The following TCAIM variants were observed in gnomAD, a reference collection of about 807,000 sequenced individuals.
The protein encoded by TCAIM is T-cell activation inhibitor, mitochondrial.
Under a neutral mutation model 58.6 loss-of-function variants are expected in TCAIM, and 36 were observed. The ratio of observed to expected loss-of-function variants is 0.61; its 90% CI spans 0.47 to 0.81. The LOEUF is 0.81. Among genes scored for constraint, TCAIM ranks in the 30% least tolerant of loss-of-function variants. The pLI is 0.00. For synonymous variants in TCAIM, 172 were observed against 193.6 expected (o/e 0.89, Z 0.93); for missense variants, 466 against 579.6 (o/e 0.80, Z 2.01).
At chr3:44,402,769 G>A (rs1347128534) in intron 10 of TCAIM, among the ~76,000 whole-genome samples, 2 of 152,068 alleles carry the variant, frequency 1.3e-5, no homozygotes, top group Non-Finnish European at 2.9e-5. Flanking sequence ...AGGGGACAAG[G>A]GAAGGCAACA....
chr3:44,362,535 T>C (rs1701309461), intron 4 of TCAIM: 1 of 400,058 alleles, frequency 2.5e-6, no homozygotes, highest in East Asian at 3.6e-5. Context: ...TCTCTTACCT[T>C]TTATTTTCTC....
chr3:44,385,198 A>G lies in TCAIM; in HGVS notation c.573-7657A>G, dbSNP rs777439625. On this transcript the variant is annotated intron_variant, in intron 5 of 10. Coordinates refer to ENST00000342649, the MANE Select transcript of TCAIM (RefSeq NM_173826.4). ...GAGTTTTTGATTGCCAACAAAAGAA[A>G]CCAGCCCTAATGTAAGTAGAAAATA... is the stretch of plus-strand genomic sequence containing the variant. 3.2e-4 allele frequency among the ~76,000 whole-genome samples: 49 copies of G among 152,226 alleles called. 1 individual carries two copies. Among genetic ancestry groups the G allele is most frequent in the Admixed American group, 2.6e-3 (40 of 15,280 alleles).
intron 4 of TCAIM, among the ~76,000 whole-genome samples, chr3:44,365,085 C>T (rs1032565061): frequency 6.1e-5 from 9 of 148,534 alleles, no homozygotes; most frequent in African/African-American, 2.2e-4. Flanking sequence ...CAGATTTACT[C>T]CTTGACTTTG....
At chr3:44,358,424 C>A in intron 3 of TCAIM, 1 of 592,852 alleles carries the variant, frequency 1.7e-6, no homozygotes, top group East Asian at 3.2e-5. Context: ...GTTTTACATC[C>A]ATGGATTCAA....
At chr3:44,401,163 A>C in intron 9 of TCAIM, 40 bp from the exon 10 acceptor site, 3 of 1,602,964 alleles carry the variant, frequency 1.9e-6, no homozygotes, top group Non-Finnish European at 2.6e-6. Flanking sequence ...GGGAGAGGAG[A>C]GGGTCAGTGG....
chr3:44,396,670 A>G lies in TCAIM; in HGVS notation c.794-73A>G, dbSNP rs1176195230. ...TTCTACTGAATTTAATCCTGGGTTT[A>G]TACACTATTTGCACAATGCTGAAAG... On this transcript the variant is annotated intron_variant, in intron 7 of 10. Coordinates refer to ENST00000342649, the MANE Select transcript of TCAIM (RefSeq NM_173826.4). 7 of 1,524,954 alleles carry G rather than the reference A, an allele frequency of 4.6e-6. No homozygotes were observed. In the African/African-American group the frequency reaches 7.0e-5, roughly 15 times the overall value. The allele number at this position is 1,524,954 out of a possible 1,614,324, so 94.5% of individuals were successfully genotyped here.
chr3:44,362,305 T>A lies in TCAIM; in HGVS notation c.319+787T>A, dbSNP rs1575249001. On this transcript the variant is annotated intron_variant, in intron 4 of 10. Coordinates refer to ENST00000342649, the MANE Select transcript of TCAIM (RefSeq NM_173826.4). ...TCTAGCTCTGCCAGTGACCTAGCTG[T>A]GTGACCTTTAACTTTTGGGTGTTCA... 1.8e-5 allele frequency: 7 copies of A among 398,690 alleles called. No individual in the cohort carries two copies. The East Asian group carries it at 2.5e-4, about 14-fold the overall frequency. 24.7% of individuals were successfully genotyped at this position (398,690 alleles called of 1,614,324 possible).
At chr3:44,342,019 C>G (rs1370812435) in intron 1 of TCAIM, among the ~76,000 whole-genome samples, 2 of 152,152 alleles carry the variant, frequency 1.3e-5, no homozygotes, top group Non-Finnish European at 2.9e-5. Flanking sequence ...CTTCAGTGAG[C>G]ATCAGATACA....
intron 5 of TCAIM, among the ~76,000 whole-genome samples, chr3:44,377,045 A>G (rs7632617): frequency 0.65 from 98,597 of 151,966 alleles, 32,840 homozygotes; most frequent in East Asian, 0.97. Context: ...AGCCGTGATC[A>G]TGCCACTGCA....
chr3:44,361,352 TG>T lies in TCAIM; in HGVS notation c.166-12del. On this transcript the variant is annotated splice_polypyrimidine_tract_variant and intron_variant, in intron 3 of 10. Coordinates refer to ENST00000342649, the MANE Select transcript of TCAIM (RefSeq NM_173826.4). The stretch of plus-strand genomic sequence containing the variant: ...CTATTTTGTATGTAAATGCCCTTAA[TG>T]TTTTTTTCCAGGAAATCAATGAAAA... 6.3e-7 allele frequency: 1 copy of T among 1,589,568 alleles called. No individual in the cohort carries two copies. The highest frequency in any genetic ancestry group is 8.5e-7 in the Non-Finnish European group (1 of 1,171,382).
At chr3:44,397,675 G>T (rs184669543) in intron 8 of TCAIM, among the ~76,000 whole-genome samples, 2 of 152,204 alleles carry the variant, frequency 1.3e-5, no homozygotes, top group South Asian at 4.1e-4. Flanking sequence ...ATATGGTAGA[G>T]CATTTTAACT....
At chr3:44,366,915 C>T (rs757161687) in intron 4 of TCAIM, among the ~76,000 whole-genome samples, 1 of 152,086 alleles carries the variant, frequency 6.6e-6, no homozygotes, top group Non-Finnish European at 1.5e-5. Flanking sequence ...TTAAATCACT[C>T]CTGAAAATAT....
At chr3:44,358,699 C>A (rs1352689359) in intron 3 of TCAIM, 127 of 982,718 alleles carry the variant, frequency 1.3e-4, no homozygotes, top group Non-Finnish European at 1.5e-4. Context: ...GTCCTGGAAC[C>A]AATCCCCTAT....
rs1238884939 is a variant in TCAIM, at chr3:44,397,534, C to T, written c.885+700C>T. ...TACCACAGTTTGTTTATTCATTCAC[C>T]TGTTGATGAACATAGGGTCGTATCA... On this transcript the variant is annotated intron_variant, in intron 8 of 10. Coordinates refer to ENST00000342649, the MANE Select transcript of TCAIM (RefSeq NM_173826.4). Among the ~76,000 whole-genome samples the T allele has an allele frequency of 2.0e-5, 3 of 152,126 alleles. No individual in the cohort carries two copies. In the East Asian group the frequency reaches 5.8e-4, roughly 29 times the overall value.
chr3:44,338,138 C>A (rs918870209), upstream of TCAIM: 52 of 152,654 alleles, frequency 3.4e-4, no homozygotes, highest in African/African-American at 1.2e-3. Flanking sequence ...CAGTCCCTTT[C>A]CCCTTCTTCC....
intron 5 of TCAIM, among the ~76,000 whole-genome samples, chr3:44,385,847 C>T (rs772491338): frequency 2.0e-5 from 3 of 152,138 alleles, no homozygotes; most frequent in Non-Finnish European, 4.4e-5. Context: ...GTCTCTTGTA[C>T]ATAAGCACCA....
intron 2 of TCAIM, among the ~76,000 whole-genome samples, chr3:44,356,009 C>G (rs1701183401): frequency 6.6e-6 from 1 of 152,154 alleles, no homozygotes; most frequent in Non-Finnish European, 1.5e-5. Context: ...CTGTTCTAAT[C>G]TTTGATGTAC....
Position 44,409,315 on chromosome 3 carries a change from A to G in TCAIM, c.*1633A>G, listed in dbSNP as rs1702146484. On this transcript the variant is annotated 3_prime_UTR_variant, in exon 11 of 11. Transcript: ENST00000342649. ...GAGTGAAAAATTCCTTAAGTGTTAT[A>G]TAAGAAAATATATTAGAAAATCAGC... 6.6e-6 allele frequency: 1 copy of G among 152,248 alleles called. No homozygotes were observed. Among genetic ancestry groups the G allele is most frequent in the Admixed American group, 6.5e-5 (1 of 15,290 alleles). 9.4% of individuals were successfully genotyped at this position (152,248 alleles called of 1,614,324 possible).
At chr3:44,351,128 A>C (rs996411723) in intron 1 of TCAIM, among the ~76,000 whole-genome samples, 5 of 152,286 alleles carry the variant, frequency 3.3e-5, no homozygotes, top group Non-Finnish European at 5.9e-5. Context: ...AGCTGGGACT[A>C]CAGACATGCA....
Sources: allele counts gnomAD v4.1 joint callset (sites outside exome capture counted in the v4.1 genomes callset), GRCh38; gene constraint gnomAD v4.1.1; transcripts MANE v1.5; gene names NCBI Gene and HGNC (gene_info 2026-07-23, HGNC 2026-07-21).